The following NRG1 variants were observed in gnomAD, a reference collection of about 807,000 sequenced individuals.
NRG1 encodes neuregulin 1.
In NRG1, 18 loss-of-function variants were observed where a neutral mutation model predicts 63.8. That is an observed-to-expected ratio of 0.28 (90% CI 0.19 to 0.42). The LOEUF is 0.42. Among genes scored for constraint, NRG1 ranks in the 10% least tolerant of loss-of-function variants. The pLI is 1.00. For synonymous variants in NRG1, 302 were observed against 301.3 expected, an observed-to-expected ratio of 1.00 and a Z score of -0.02; for missense variants, 762 against 814.7, an observed-to-expected ratio of 0.94 and a Z score of 0.79.
intron 1 of NRG1, among the ~76,000 whole-genome samples, chr8:32,306,030 T>TGCA (rs71208171): frequency 0.3 from 44,953 of 151,972 alleles, 7,705 homozygotes; most frequent in South Asian, 0.45. Flanking sequence ...ACCAACACAA[T>TGCA]GCAGCTCAAG....
Position 32,162,811 on chromosome 8 carries a change from A to T in NRG1, c.38-433017A>T, listed in dbSNP as rs775799888. Among the ~76,000 whole-genome samples the T allele has an allele frequency of 4.6e-5, 7 of 152,116 alleles. No homozygotes were observed. The East Asian group carries it at 1.3e-3, about 29-fold the overall frequency. ...AGCTTGAAGGAAATGTGCTGCCTAGAGATATGAGCTGTGTGTAATTACTCC... is the reference window on the plus strand; with the variant it reads ...AGCTTGAAGGAAATGTGCTGCCTAGTGATATGAGCTGTGTGTAATTACTCC... On this transcript the variant is annotated intron_variant, in intron 1 of 10. Transcript: ENST00000519301.
chr8:32,689,274 A>G (rs73675416), intron 5 of NRG1, among the ~76,000 whole-genome samples: 2,906 of 151,980 alleles, frequency 0.019, 104 homozygotes, highest in African/African-American at 0.067. Flanking sequence ...TAAAACTGGG[A>G]TCGTGGCAAC....
chr8:32,241,126 C>T (rs1161547160), intron 1 of NRG1, among the ~76,000 whole-genome samples: 3 of 152,084 alleles, frequency 2.0e-5, no homozygotes, highest in Non-Finnish European at 4.4e-5. Flanking sequence ...CACAGAGTTT[C>T]TGATTCACTA....
At chr8:32,058,746 C>A (rs1436005998) in intron 1 of NRG1, among the ~76,000 whole-genome samples, 1 of 151,974 alleles carries the variant, frequency 6.6e-6, no homozygotes, top group African/African-American at 2.4e-5. Flanking sequence ...ATAACTGTAA[C>A]ATAGCTGCAA....
Position 32,086,969 on chromosome 8 carries a change from C to T in NRG1, c.37+447538C>T, listed in dbSNP as rs150257087. Among the ~76,000 whole-genome samples the T allele has an allele frequency of 2.6e-4, 40 of 152,236 alleles. No individual in the cohort carries two copies. In the East Asian group the frequency reaches 4.4e-3, roughly 17 times the overall value. On this transcript the variant is annotated intron_variant, in intron 1 of 10. Transcript: ENST00000519301. ...ATAGCATTGTTAACTCTAGATAGGA[C>T]GTTTCATAGAAGATCTTAGCATCTG...
rs919630181 is a variant in NRG1, at chr8:31,855,823, C to G, written c.37+216392C>G. Among the ~76,000 whole-genome samples the G allele has an allele frequency of 6.3e-3, 956 of 152,184 alleles. 4 individuals carry two copies. Among genetic ancestry groups the G allele is most frequent in the Non-Finnish European group, 9.4e-3 (637 of 68,028 alleles). The stretch of plus-strand genomic sequence containing the variant: ...GGCAGGCCTGGTGGTGACAAAATCT[C>G]TCAGCATTTGCTTGTCTGTAAAGTG... On this transcript the variant is annotated intron_variant, in intron 1 of 10. Coordinates refer to the NRG1 transcript ENST00000519301.
intron 1 of NRG1, among the ~76,000 whole-genome samples, chr8:32,281,406 GA>G (rs1440348594): frequency 6.6e-6 from 1 of 151,676 alleles, no homozygotes; most frequent in East Asian, 2.0e-4. Context: ...TCGAACTCCT[GA>G]CCTCAGGTGA....
intron 1 of NRG1, among the ~76,000 whole-genome samples, chr8:32,564,329 G>A (rs1010812553): frequency 2.6e-5 from 4 of 152,124 alleles, no homozygotes; most frequent in Non-Finnish European, 1.5e-5. Context: ...CTGGAGGTTC[G>A]TTCATTTATT....
intron 1 of NRG1, 59 bp from the exon 2 acceptor site, chr8:32,595,769 T>C: frequency 6.7e-7 from 1 of 1,503,380 alleles, no homozygotes; most frequent in South Asian, 1.3e-5. Flanking sequence ...ATTAAATGTT[T>C]CTCTTTGAAA....
At chr8:32,574,484 G>A (rs577512260) in intron 1 of NRG1, among the ~76,000 whole-genome samples, 3 of 152,248 alleles carry the variant, frequency 2.0e-5, no homozygotes, top group African/African-American at 4.8e-5. Flanking sequence ...GGTGGGGTCT[G>A]GTAGGAGGTG....
At chr8:32,040,765 A>ATATATATATG (rs1465022551) in intron 1 of NRG1, among the ~76,000 whole-genome samples, 2 of 129,910 alleles carry the variant, frequency 1.5e-5, no homozygotes, top group African/African-American at 6.0e-5. Context: ...ATATATATAT[A>ATATATATATG]TATGCGCCTA....
At chr8:32,606,256 ACT>A (rs1184647793) in intron 3 of NRG1, among the ~76,000 whole-genome samples, 1 of 151,328 alleles carries the variant, frequency 6.6e-6, no homozygotes, top group East Asian at 1.9e-4. Context: ...TACAGTCCTG[ACT>A]CAATTCTGGC....
At chr8:31,790,962 G>A (rs984873885) in intron 1 of NRG1, among the ~76,000 whole-genome samples, 5 of 152,104 alleles carry the variant, frequency 3.3e-5, no homozygotes, top group Non-Finnish European at 7.4e-5. Flanking sequence ...TGTAATCCCA[G>A]CACTTTGGGA....
rs543054189 is a variant in NRG1 at position 32,395,404 on chromosome 8, G to A, written c.38-200424G>A. Among the ~76,000 whole-genome samples, 11 of 152,208 alleles carry A rather than the reference G, an allele frequency of 7.2e-5. No individual in the cohort carries two copies. In the East Asian group the frequency reaches 1.4e-3, roughly 19 times the overall value. On this transcript the variant is annotated intron_variant, in intron 1 of 10. Transcript: ENST00000519301. ...TAATCCTTATCATGCAATGACTGGC[G>A]TATTCATTCTTTTTAATTTTTGACA...
At chr8:31,983,839 T>C (rs1317940463) in intron 1 of NRG1, among the ~76,000 whole-genome samples, 1 of 152,062 alleles carries the variant, frequency 6.6e-6, no homozygotes, top group African/African-American at 2.4e-5. Context: ...GTAAAGATAA[T>C]GACCACAAGT....
chr8:31,864,722 T>G (rs1310153206), intron 1 of NRG1, among the ~76,000 whole-genome samples: 1 of 152,168 alleles, frequency 6.6e-6, no homozygotes, highest in Non-Finnish European at 1.5e-5. Context: ...GTGAGAGCAC[T>G]GAAATGTGTG....
chr8:31,850,435 G>A (rs1827102405), intron 1 of NRG1, among the ~76,000 whole-genome samples: 1 of 152,132 alleles, frequency 6.6e-6, no homozygotes, highest in Non-Finnish European at 1.5e-5. Context: ...CAGGTTATGT[G>A]ACCTGAGGGT....
chr8:32,156,181 C>T (rs948115993), intron 1 of NRG1, among the ~76,000 whole-genome samples: 20 of 152,176 alleles, frequency 1.3e-4, no homozygotes, highest in Admixed American at 8.5e-4. Context: ...TCCTCACTAT[C>T]CTTTCCTGGA....
At chr8:32,338,067 A>C (rs898536402) in intron 1 of NRG1, among the ~76,000 whole-genome samples, 5 of 152,208 alleles carry the variant, frequency 3.3e-5, no homozygotes, top group Admixed American at 3.3e-4. Context: ...GCCTTAAGGC[A>C]TCAAATCTGC....
Sources: allele counts gnomAD v4.1 joint callset (sites outside exome capture counted in the v4.1 genomes callset), GRCh38; gene constraint gnomAD v4.1.1; transcripts MANE v1.5; gene names NCBI Gene and HGNC (gene_info 2026-07-23, HGNC 2026-07-21).